TTC13: variants seen among roughly 807,000 people sequenced by gnomAD.
TTC13 encodes the protein tetratricopeptide repeat protein 13.
TTC13 carries 62 observed loss-of-function variants against 120.0 expected under a neutral mutation model. The ratio of observed to expected loss-of-function variants is 0.52; its 90% CI spans 0.42 to 0.64. The LOEUF is 0.64. TTC13 is among the 30% of genes least tolerant of loss of function. The probability of loss-of-function intolerance (pLI) is 0.00; values close to 1 mark genes in which losing one functional copy is unlikely to be tolerated. For synonymous variants in TTC13, 384 were observed against 393.5 expected, an observed-to-expected ratio of 0.98 and a Z score of 0.28; for missense variants, 824 against 1,050.2, an observed-to-expected ratio of 0.78 and a Z score of 2.98.
chr1:230,942,757 C>T lies in TTC13; in HGVS notation c.672+1049G>A, dbSNP rs944156461. Among the ~76,000 whole-genome samples, 1 of 152,178 alleles carries T rather than the reference C, an allele frequency of 6.6e-6. No homozygotes were observed. The highest frequency in any genetic ancestry group is 1.5e-5 in the Non-Finnish European group (1 of 68,020). ...AACAGAATGCCTTTGTACAGACTCT[C>T]TTCCCTGCGCTGAACACTCTCCTCC... is the stretch of plus-strand genomic sequence containing the variant. On this transcript the variant is annotated intron_variant, in intron 6 of 22. Coordinates refer to ENST00000366661, the MANE Select transcript of TTC13 (RefSeq NM_024525.5). The surrounding 1 kb of genome is among the most constrained non-coding windows in gnomAD (Gnocchi z 4.0).
chr1:230,962,855 A>T (rs761585848), intron 1 of TTC13, among the ~76,000 whole-genome samples: 2 of 152,190 alleles, frequency 1.3e-5, no homozygotes, highest in Non-Finnish European at 2.9e-5. Context: ...TTATCATATG[A>T]CTCCATCTAT....
rs1480265336 is a variant in TTC13 at position 230,942,308 on chromosome 1, C to A, written c.672+1498G>T. 2.0e-5 allele frequency among the ~76,000 whole-genome samples: 3 copies of A among 152,146 alleles called. No individual in the cohort carries two copies. The highest frequency in any genetic ancestry group is 2.9e-5 in the Non-Finnish European group (2 of 68,024). ...CTGTCACCAAATTAGCCACTAAACA[C>A]CAACTAAATACCAGCAAGTCTCATG... On this transcript the variant is annotated intron_variant, in intron 6 of 22. Coordinates refer to ENST00000366661, the MANE Select transcript of TTC13 (RefSeq NM_024525.5). This position sits in a 1 kb window ranked among gnomAD's most constrained non-coding sequence, Gnocchi z 4.0.
intron 1 of TTC13, among the ~76,000 whole-genome samples, chr1:230,963,265 T>G (rs551992764): frequency 1.3e-5 from 2 of 152,108 alleles, no homozygotes; most frequent in African/African-American, 2.4e-5. Context: ...CAAGACATGA[T>G]ATGGTGAAGA....
intron 15 of TTC13, among the ~76,000 whole-genome samples, chr1:230,922,052 C>T (rs754830283): frequency 2.6e-5 from 4 of 152,178 alleles, no homozygotes; most frequent in Non-Finnish European, 4.4e-5. Context: ...GGACATCGCT[C>T]CCTGGGTTCC....
chr1:230,964,863 A>G (rs1399354078), intron 1 of TTC13, among the ~76,000 whole-genome samples: 2 of 152,230 alleles, frequency 1.3e-5, no homozygotes, highest in Non-Finnish European at 2.9e-5. Context: ...AAAGGTGCCA[A>G]GAATACACAC....
In TTC13 at chr1:230,929,075, T is replaced by C; in HGVS notation, c.1319A>G (p.His440Arg). 6.2e-7 allele frequency: 1 copy of C among 1,614,000 alleles called. No individual in the cohort carries two copies. The highest frequency in any genetic ancestry group is 8.5e-7 in the Non-Finnish European group (1 of 1,179,972). ...CGTAAGGGGGGTATCAAGGTGTGCATGAAGATATCGAGAATACTCTGCAGA... is the reference window on the plus strand; with the variant it reads ...CGTAAGGGGGGTATCAAGGTGTGCACGAAGATATCGAGAATACTCTGCAGA... Reference protein sequence around the residue: ...KYLREYSRYLHAHLDTPLTEY... With the variant: ...KYLREYSRYLRAHLDTPLTEY... Residue 440 changes from histidine (H) to arginine (R), a missense_variant, in exon 12 of 23, where the codon CAT becomes CGT. Physicochemically the swap from His to Arg is conservative, Grantham distance 29. Coordinates refer to ENST00000366661, the MANE Select transcript of TTC13 (RefSeq NM_024525.5).
chr1:230,916,432 T>C (rs1672036576), intron 17 of TTC13, 130 bp from the exon 18 acceptor site: 3 of 709,684 alleles, frequency 4.2e-6, no homozygotes, highest in Non-Finnish European at 7.5e-6. Flanking sequence ...ATACAAGAGA[T>C]GGTGGCCTGG....
At chr1:230,919,052 C>T (rs1672315209) in intron 17 of TTC13, among the ~76,000 whole-genome samples, 3 of 152,186 alleles carry the variant, frequency 2.0e-5, no homozygotes, top group African/African-American at 7.2e-5. Flanking sequence ...CAAATAATTT[C>T]TGTCCCTTTT....
intron 17 of TTC13, among the ~76,000 whole-genome samples, chr1:230,919,769 C>T (rs867529822): frequency 6.6e-5 from 10 of 152,314 alleles, no homozygotes; most frequent in Non-Finnish European, 1.2e-4. Flanking sequence ...CTTAACTAAA[C>T]GCCCAAGGTG....
intron 4 of TTC13, among the ~76,000 whole-genome samples, chr1:230,951,289 C>T (rs1675549853): frequency 6.6e-6 from 1 of 151,892 alleles, no homozygotes. Context: ...AAATCCAAGC[C>T]CCTGAGTCCC....
chr1:230,947,791 G>A (rs893813336), intron 4 of TTC13, among the ~76,000 whole-genome samples: 5 of 152,118 alleles, frequency 3.3e-5, no homozygotes, highest in Non-Finnish European at 7.3e-5. Context: ...TGACCAAGAG[G>A]TGAATCAGAA....
chr1:230,910,140 G>A (rs1211087104), intron 20 of TTC13, among the ~76,000 whole-genome samples: 4 of 152,170 alleles, frequency 2.6e-5, no homozygotes, highest in Non-Finnish European at 5.9e-5. Flanking sequence ...TGCCATGGGT[G>A]GACACCAAGA....
chr1:230,968,244 A>T (rs1317468592), intron 1 of TTC13, among the ~76,000 whole-genome samples: 3 of 151,182 alleles, frequency 2.0e-5, no homozygotes, highest in Admixed American at 1.3e-4. Flanking sequence ...ACATAAAAGC[A>T]ATCGCCTTAG....
chr1:230,921,442 T>C lies in TTC13; in HGVS notation c.1877A>G (p.Asp626Gly), dbSNP rs1672566215. ...TTACCCATGATAAACAAGAATTCTG[T>C]CTTTAATAAAATGAAGTATTTTCTC... ...YFEKILHFIK[D>G]RILVYHGANN... Residue 626 changes from aspartate (D) to glycine (G), a missense_variant, in exon 16 of 23, where the codon GAC (aspartate) becomes GGC (glycine). Around this residue, in one of 4 missense-constraint regions of TTC13, gnomAD observed 430 missense variants for 626.8 expected, o/e 0.69. Coordinates refer to ENST00000366661, the MANE Select transcript of TTC13 (RefSeq NM_024525.5). 1 of 1,539,424 alleles carries C rather than the reference T, an allele frequency of 6.5e-7. No individual in the cohort carries two copies. Among genetic ancestry groups the C allele is most frequent in the Non-Finnish European group, 8.9e-7 (1 of 1,128,132 alleles).
In TTC13 at chr1:230,922,165, G is replaced by A. The variant is rs111901181; in HGVS notation, c.1815-661C>T. Among the ~76,000 whole-genome samples, 7 of 152,180 alleles carry A rather than the reference G, an allele frequency of 4.6e-5. No individual in the cohort carries two copies. In the East Asian group the frequency reaches 9.7e-4, roughly 21 times the overall value. On this transcript the variant is annotated intron_variant, in intron 15 of 22. Coordinates refer to ENST00000366661, the MANE Select transcript of TTC13 (RefSeq NM_024525.5). ...CACTAAACATGTCCACCTACTTTTC[G>A]TTCTGGTGCTCTCTGGCCTAATGGG...
At chr1:230,913,927 C>G (rs1270245989) in intron 18 of TTC13, among the ~76,000 whole-genome samples, 1 of 152,126 alleles carries the variant, frequency 6.6e-6, no homozygotes, top group African/African-American at 2.4e-5. Flanking sequence ...GCTGTGAATG[C>G]CTGGCAGGGA....
chr1:230,936,337 C>A (rs1674055537), intron 8 of TTC13: 5 of 436,756 alleles, frequency 1.1e-5, no homozygotes, highest in South Asian at 8.2e-5. Context: ...TTGAATGAAT[C>A]AATCTCTAAG....
intron 8 of TTC13, 65 bp from the exon 9 acceptor site, chr1:230,933,926 C>CCTTTT: frequency 1.9e-6 from 2 of 1,075,946 alleles, no homozygotes; most frequent in Non-Finnish European, 2.7e-6. Context: ...TCACTTAAAT[C>CCTTTT]ATAAAAGGAT....
intron 13 of TTC13, 117 bp downstream of exon 13, chr1:230,925,400 A>T: frequency 1.7e-6 from 2 of 1,163,680 alleles, no homozygotes; most frequent in Non-Finnish European, 1.2e-6. Context: ...TATTCTGATC[A>T]CATGGAGAAT....
Sources: allele counts gnomAD v4.1 joint callset (sites outside exome capture counted in the v4.1 genomes callset), GRCh38; gene constraint gnomAD v4.1.1; regional missense constraint gnomAD v4.1.1; non-coding constraint Gnocchi (gnomAD v3.1); transcripts MANE v1.5; gene names NCBI Gene and HGNC (gene_info 2026-07-23, HGNC 2026-07-21).